The following AUTS2 variants were observed in gnomAD, a reference collection of about 807,000 sequenced individuals.
The protein encoded by AUTS2 is autism susceptibility gene 2 protein.
In AUTS2, 17 loss-of-function variants were observed where a neutral mutation model predicts 112.4. That is an observed-to-expected ratio of 0.15 (90% CI 0.10 to 0.23). The LOEUF (loss-of-function observed/expected upper bound fraction) is 0.23. Among genes scored for constraint, AUTS2 ranks in the 10% least tolerant of loss-of-function variants. The pLI, the probability that AUTS2 is intolerant of heterozygous loss-of-function variation, is 1.00. For synonymous variants in AUTS2, 751 were observed against 702.7 expected (o/e 1.07, Z -1.09); for missense variants, 1,510 against 1,701.6 (o/e 0.89, Z 1.98).
At chr7:70,559,125 G>C (rs1157550846) in intron 5 of AUTS2, among the ~76,000 whole-genome samples, 1 of 152,122 alleles carries the variant, frequency 6.6e-6, no homozygotes. Flanking sequence ...CCCTGCACAT[G>C]CTCCCTCTTT....
intron 6 of AUTS2, among the ~76,000 whole-genome samples, chr7:70,702,000 C>A (rs1353420846): frequency 6.6e-6 from 1 of 152,220 alleles, no homozygotes; most frequent in Non-Finnish European, 1.5e-5. Context: ...AAGGAACTTT[C>A]AGTCTATTCA....
chr7:70,560,940 A>G (rs1168652987), intron 5 of AUTS2, among the ~76,000 whole-genome samples: 1 of 152,236 alleles, frequency 6.6e-6, no homozygotes, highest in East Asian at 1.9e-4. Flanking sequence ...GCTTACAATC[A>G]TTCTTTTTAC....
At chr7:70,547,028 C>A (rs1334334504) in intron 5 of AUTS2, among the ~76,000 whole-genome samples, 1 of 152,120 alleles carries the variant, frequency 6.6e-6, no homozygotes, top group Non-Finnish European at 1.5e-5. Context: ...GTAATATTCA[C>A]CCGTACTAAG....
At chr7:70,367,250 G>T (rs147210717) in intron 4 of AUTS2, among the ~76,000 whole-genome samples, 1 of 152,046 alleles carries the variant, frequency 6.6e-6, no homozygotes, top group Non-Finnish European at 1.5e-5. Context: ...GTAACAGAGC[G>T]AGAGTCTGTC....
chr7:69,792,638 A>G (rs1020235734), intron 1 of AUTS2, among the ~76,000 whole-genome samples: 1 of 152,070 alleles, frequency 6.6e-6, no homozygotes, highest in South Asian at 2.1e-4. Flanking sequence ...ACCCCAAATA[A>G]TTTTTGATAC....
rs1006953635 is a variant in AUTS2 at position 70,530,435 on chromosome 7, G to A, written c.690+94654G>A. Among the ~76,000 whole-genome samples the A allele has an allele frequency of 1.1e-4, 16 of 152,148 alleles. No homozygotes were observed. In the South Asian group the frequency reaches 1.2e-3, roughly 12 times the overall value. On this transcript the variant is annotated intron_variant, in intron 5 of 18. Coordinates refer to ENST00000342771, the MANE Select transcript of AUTS2 (RefSeq NM_015570.4). ...CTGTGAGCATGGGTCTCTGGGGAGC[G>A]TCTGGTGGTTGGACAATCATGGTAG...
At chr7:69,885,426 G>C (rs1794232048) in intron 1 of AUTS2, among the ~76,000 whole-genome samples, 1 of 152,162 alleles carries the variant, frequency 6.6e-6, no homozygotes, top group African/African-American at 2.4e-5. Context: ...GAATTTTTCA[G>C]AAGGAGTTCG....
chr7:70,780,708 G>A (rs1791014499), intron 14 of AUTS2, among the ~76,000 whole-genome samples: 1 of 152,172 alleles, frequency 6.6e-6, no homozygotes, highest in Non-Finnish European at 1.5e-5. Flanking sequence ...GTAATTACAG[G>A]TAGTAGGAAG....
chr7:70,062,297 T>C (rs777994201), intron 2 of AUTS2, among the ~76,000 whole-genome samples: 2 of 151,292 alleles, frequency 1.3e-5, no homozygotes, highest in African/African-American at 2.4e-5. Flanking sequence ...GATCACGAGG[T>C]CAAGAGATCA....
intron 2 of AUTS2, among the ~76,000 whole-genome samples, chr7:69,914,855 C>T (rs772766445): frequency 4.6e-5 from 7 of 152,042 alleles, no homozygotes; most frequent in Admixed American, 6.5e-5. Context: ...TATTGTCCCA[C>T]GTGCCCTCGG....
At chr7:69,615,462 C>G (rs931243705) in intron 1 of AUTS2, among the ~76,000 whole-genome samples, 3 of 152,094 alleles carry the variant, frequency 2.0e-5, no homozygotes, top group Non-Finnish European at 4.4e-5. Context: ...ACCACCACAC[C>G]TGGCTAATTT....
chr7:70,519,088 T>C (rs963465488), intron 5 of AUTS2, among the ~76,000 whole-genome samples: 3 of 152,198 alleles, frequency 2.0e-5, no homozygotes, highest in African/African-American at 7.2e-5. Flanking sequence ...TAAAAGCCTT[T>C]ATTTACACTG....
intron 4 of AUTS2, among the ~76,000 whole-genome samples, chr7:70,377,980 G>A (rs1048696967): frequency 1.7e-4 from 25 of 150,880 alleles, no homozygotes; most frequent in Non-Finnish European, 3.1e-4. Context: ...GGGTTTCACC[G>A]TGTTAGCCAA....
intron 4 of AUTS2, among the ~76,000 whole-genome samples, chr7:70,146,319 T>A (rs1167746774): frequency 1.1e-5 from 1 of 94,028 alleles, no homozygotes; most frequent in Non-Finnish European, 2.3e-5. Context: ...ATTGTGTTAT[T>A]TTTCTACTGG....
chr7:69,980,079 C>G (rs1798232737), intron 2 of AUTS2, among the ~76,000 whole-genome samples: 1 of 152,076 alleles, frequency 6.6e-6, no homozygotes. Context: ...CACTTCACCC[C>G]CTCATCTACC....
chr7:69,719,187 T>TTTA (rs1221122197), intron 1 of AUTS2, among the ~76,000 whole-genome samples: 1 of 152,240 alleles, frequency 6.6e-6, no homozygotes, highest in Non-Finnish European at 1.5e-5. Flanking sequence ...TGGTTCTTGT[T>TTTA]TTACTCTCTG....
intron 5 of AUTS2, among the ~76,000 whole-genome samples, chr7:70,639,684 T>C (rs1805712851): frequency 6.9e-6 from 1 of 145,024 alleles, no homozygotes; most frequent in African/African-American, 2.6e-5. Context: ...GGCCACTAGA[T>C]CAGTCTTAGC....
intron 2 of AUTS2, among the ~76,000 whole-genome samples, chr7:70,025,929 A>G (rs1339532244): frequency 1.3e-5 from 2 of 152,072 alleles, no homozygotes; most frequent in African/African-American, 2.4e-5. Context: ...TGTACAACTA[A>G]AAGACTATCC....
Position 70,663,013 on chromosome 7 carries a change from T to C in AUTS2, c.691-35556T>C, listed in dbSNP as rs76721232. On this transcript the variant is annotated intron_variant, in intron 5 of 18. Transcript: ENST00000342771. ...GCAATTTTTAAACACTTATCCCCAT[T>C]TTACAGATAGAAGATAGTAAGTTCT... 4.0e-3 allele frequency among the ~76,000 whole-genome samples: 608 copies of C among 152,306 alleles called. 5 individuals are homozygous for C. The highest frequency in any genetic ancestry group is 0.014 in the African/African-American group (578 of 41,558).
Sources: gnomAD v4.1 joint callset for allele counts (sites outside exome capture counted in the v4.1 genomes callset) on GRCh38, gnomAD v4.1.1 for gene constraint, MANE v1.5 for transcripts, NCBI Gene and HGNC (gene_info 2026-07-23, HGNC 2026-07-21) for gene names.